Variants in MYT1L observed in about 807,000 individuals in gnomAD.
MYT1L encodes myelin transcription factor 1-like protein.
A neutral mutation model predicts 126.7 loss-of-function variants in MYT1L; 12 were observed. That is an observed-to-expected ratio of 0.09 (90% CI 0.06 to 0.15). MYT1L has a LOEUF of 0.15. Among genes scored for constraint, MYT1L ranks in the 10% least tolerant of loss-of-function variants. The probability of loss-of-function intolerance (pLI) is 1.00; values close to 1 mark genes in which losing one functional copy is unlikely to be tolerated. For missense variants in MYT1L, 979 were observed against 1,585.2 expected, an observed-to-expected ratio of 0.62 and a Z score of 6.49; for synonymous variants, 541 against 604.2, an observed-to-expected ratio of 0.90 and a Z score of 1.53.
chr2:2,293,587 C>T (rs1220835493), intron 1 of MYT1L, among the ~76,000 whole-genome samples: 2 of 152,100 alleles, frequency 1.3e-5, no homozygotes, highest in African/African-American at 2.4e-5. Context: ...AGGGGGTCCC[C>T]GGGGAACAAA....
At position 1,912,842 on chromosome 2, in the gene MYT1L, G is replaced by A. The variant is rs144604147; in HGVS notation, c.1619-732C>T. Among the ~76,000 whole-genome samples, 294 of 152,276 alleles carry A rather than the reference G, an allele frequency of 1.9e-3. 9 individuals are homozygous for A. The highest frequency in any genetic ancestry group is 5.4e-4 in the Non-Finnish European group (37 of 68,026). On this transcript the variant is annotated intron_variant, in intron 11 of 24. Transcript: ENST00000647738. The surrounding 1 kb of genome is among the most constrained non-coding windows in gnomAD (Gnocchi z 4.3). ...GAGAGCTGCTTGAATTTTCCCAGCAGTGGTGTTGGACCTGAATTATTTGTG... is the reference window on the plus strand; with the variant it reads ...GAGAGCTGCTTGAATTTTCCCAGCAATGGTGTTGGACCTGAATTATTTGTG...
chr2:2,106,996 T>A (rs1451501125), intron 3 of MYT1L, among the ~76,000 whole-genome samples: 6 of 152,114 alleles, frequency 3.9e-5, no homozygotes, highest in African/African-American at 1.4e-4. Context: ...TGGGGTTAGT[T>A]AACCTTCCAG....
intron 3 of MYT1L, among the ~76,000 whole-genome samples, chr2:2,087,410 T>C (rs2076467976): frequency 6.6e-6 from 1 of 152,148 alleles, no homozygotes; most frequent in Non-Finnish European, 1.5e-5. Flanking sequence ...CCACAGGTAA[T>C]AGGCAAAGTG....
At chr2:2,164,305 T>C (rs1310115936) in intron 3 of MYT1L, among the ~76,000 whole-genome samples, 2 of 152,236 alleles carry the variant, frequency 1.3e-5, no homozygotes, top group African/African-American at 2.4e-5. Context: ...TCCTGTGGTT[T>C]TACTTTTTTA....
At chr2:2,176,809 C>A (rs1320390552) in intron 2 of MYT1L, among the ~76,000 whole-genome samples, 1 of 152,096 alleles carries the variant, frequency 6.6e-6, no homozygotes, top group Non-Finnish European at 1.5e-5. Context: ...TAGAATATAA[C>A]CTTAATTTCA....
chr2:1,940,569 C>T (rs534492605), intron 9 of MYT1L, among the ~76,000 whole-genome samples: 32 of 147,030 alleles, frequency 2.2e-4, no homozygotes, highest in South Asian at 4.4e-4. Flanking sequence ...CCAGGATGCT[C>T]AGTAAACTGG....
chr2:1,869,429 C>A (rs2148696338), intron 18 of MYT1L, among the ~76,000 whole-genome samples: 1 of 152,380 alleles, frequency 6.6e-6, no homozygotes, highest in South Asian at 2.1e-4. Flanking sequence ...GGCTCCTTGT[C>A]CTGTGCACGG....
rs1354138203 is a variant in MYT1L, at chr2:1,917,027, G to T, written c.1618+178C>A. The stretch of plus-strand genomic sequence containing the variant: ...CTTCATGGTGCACCACTCTCCTGGG[G>T]CTGTGCCATTGGCATGCCCACGAAT... On this transcript the variant is annotated intron_variant, in intron 11 of 24. Transcript: ENST00000647738. This position sits in a 1 kb window ranked among gnomAD's most constrained non-coding sequence, Gnocchi z 5.9. Among the ~76,000 whole-genome samples, 2 of 152,180 alleles carry T rather than the reference G, an allele frequency of 1.3e-5. No homozygotes were observed. The highest frequency in any genetic ancestry group is 2.4e-5 in the African/African-American group (1 of 41,454).
intron 21 of MYT1L, chr2:1,826,232 A>G (rs925978575): frequency 6.6e-6 from 1 of 152,314 alleles, no homozygotes; most frequent in Non-Finnish European, 1.5e-5. Context: ...GCCACTTTGG[A>G]GAACAAACTA....
At chr2:1,944,144 G>C (rs1362679156) in intron 8 of MYT1L, among the ~76,000 whole-genome samples, 1 of 151,982 alleles carries the variant, frequency 6.6e-6, no homozygotes, top group Non-Finnish European at 1.5e-5. Context: ...GGGTACATGT[G>C]CACAACATGC....
intron 1 of MYT1L, among the ~76,000 whole-genome samples, chr2:2,293,954 G>A (rs879799462): frequency 4.6e-5 from 7 of 152,162 alleles, no homozygotes; most frequent in Non-Finnish European, 7.3e-5. Flanking sequence ...GGAAGGCAAC[G>A]GCCACCAGCA....
At position 1,865,508 on chromosome 2, in the gene MYT1L, C is replaced by T. The variant is rs114067923; in HGVS notation, c.2712-13805G>A. On this transcript the variant is annotated intron_variant, in intron 18 of 24. Transcript: ENST00000647738. ...CATCTGTAAAATAGGAAAAATAATG[C>T]CCATCCGCATCGTTAGGATCCTTGT... is the stretch of plus-strand genomic sequence containing the variant. Among the ~76,000 whole-genome samples the T allele has an allele frequency of 3.9e-3, 595 of 152,286 alleles. 2 individuals are homozygous for T. The highest frequency in any genetic ancestry group is 6.8e-3 in the Middle Eastern group (2 of 294).
intron 3 of MYT1L, among the ~76,000 whole-genome samples, chr2:2,126,480 A>G (rs952540875): frequency 3.3e-5 from 5 of 152,184 alleles, no homozygotes; most frequent in Non-Finnish European, 7.3e-5. Context: ...GAGGGTCATG[A>G]CCATGTTGTG....
chr2:1,988,264 C>T (rs1458282581), intron 5 of MYT1L, among the ~76,000 whole-genome samples: 1 of 152,206 alleles, frequency 6.6e-6, no homozygotes, highest in Non-Finnish European at 1.5e-5. Flanking sequence ...TGCCACATTC[C>T]CGCCTGCACC....
Position 1,851,762 on chromosome 2 carries a change from T to C in MYT1L, c.2712-59A>G, listed in dbSNP as rs962043768. 81 of 1,517,880 alleles carry C rather than the reference T, an allele frequency of 5.3e-5. No individual in the cohort carries two copies. In the South Asian group the frequency reaches 8.6e-4, roughly 16 times the overall value. 94.0% of individuals were successfully genotyped at this position (1,517,880 alleles called of 1,614,324 possible). A position where few individuals can be genotyped will look rare whatever the true frequency, so the allele number is the denominator to read the frequency against. Reference sequence around the variant, plus strand: ...AAAGAAATAAAGTTCCCTGAACAATTAACTTTTTTTTAATCCAAAAAGCAA... The same window carrying C: ...AAAGAAATAAAGTTCCCTGAACAATCAACTTTTTTTTAATCCAAAAAGCAA... On this transcript the variant is annotated intron_variant, in intron 18 of 24. Coordinates refer to ENST00000647738, the MANE Select transcript of MYT1L (RefSeq NM_001303052.2).
intron 9 of MYT1L, among the ~76,000 whole-genome samples, chr2:1,942,049 A>T (rs1456179093): frequency 6.6e-6 from 1 of 152,204 alleles, no homozygotes; most frequent in Non-Finnish European, 1.5e-5. Context: ...TTCTTGAAGA[A>T]CTTTTGAGCC....
chr2:2,195,815 T>C (rs1203528395), intron 2 of MYT1L, among the ~76,000 whole-genome samples: 1 of 151,940 alleles, frequency 6.6e-6, no homozygotes, highest in Non-Finnish European at 1.5e-5. Flanking sequence ...AGAGAATTAG[T>C]GAACTGGAAA....
chr2:2,165,709 C>T (rs2088955871), intron 3 of MYT1L, among the ~76,000 whole-genome samples: 1 of 152,042 alleles, frequency 6.6e-6, no homozygotes, highest in African/African-American at 2.4e-5. Context: ...CATCTCATAG[C>T]TGTTTCTTGA....
intron 8 of MYT1L, among the ~76,000 whole-genome samples, chr2:1,947,483 G>A (rs1033170401): frequency 7.9e-5 from 12 of 152,194 alleles, no homozygotes; most frequent in African/African-American, 2.9e-4. Context: ...GGGCATTGCT[G>A]TGGTGGGTGT....
Sources: gnomAD v4.1 joint callset for allele counts (sites outside exome capture counted in the v4.1 genomes callset) on GRCh38, gnomAD v4.1.1 for gene constraint, Gnocchi (gnomAD v3.1) non-coding constraint, MANE v1.5 for transcripts, NCBI Gene and HGNC (gene_info 2026-07-23, HGNC 2026-07-21) for gene names.